Variants in IKBKB observed in about 807,000 individuals in gnomAD.
The protein encoded by IKBKB is inhibitor of nuclear factor kappa-B kinase subunit beta.
Under a neutral mutation model 113.6 loss-of-function variants are expected in IKBKB, and 42 were observed. The observed-to-expected ratio is 0.37, with a 90% confidence interval of 0.29 to 0.48. IKBKB has a LOEUF of 0.48. Among genes scored for constraint, IKBKB ranks in the 20% least tolerant of loss-of-function variants. The probability of loss-of-function intolerance (pLI) is 0.99; values close to 1 mark genes in which losing one functional copy is unlikely to be tolerated. For missense variants in IKBKB, 673 were observed against 939.7 expected (o/e 0.72, Z 3.71); for synonymous variants, 296 against 361.3 (o/e 0.82, Z 2.05).
At chr8:42,299,536 G>A (rs375433729) in intron 5 of IKBKB, among the ~76,000 whole-genome samples, 3 of 150,384 alleles carry the variant, frequency 2.0e-5, no homozygotes, top group East Asian at 1.9e-4. Flanking sequence ...GAACCCACCC[G>A]CCAATCTCTG....
At chr8:42,327,794 G>C (rs1370867904) in intron 20 of IKBKB, among the ~76,000 whole-genome samples, 1 of 89,532 alleles carries the variant, frequency 1.1e-5, no homozygotes, top group Admixed American at 1.4e-4. Flanking sequence ...CACCAGGCCT[G>C]GCTAATTTTG....
intron 1 of IKBKB, 83 bp from the exon 2 acceptor site, chr8:42,272,000 G>A (rs1807864743): frequency 7.6e-7 from 1 of 1,311,734 alleles, no homozygotes; most frequent in Admixed American, 2.2e-5. Flanking sequence ...CAAGAGCAGT[G>A]GTATCTCTTG....
At chr8:42,302,275 A>G (rs889793426) in intron 5 of IKBKB, among the ~76,000 whole-genome samples, 5 of 152,236 alleles carry the variant, frequency 3.3e-5, no homozygotes, top group Non-Finnish European at 7.3e-5. Context: ...TGGTCTTGAA[A>G]CATTAACACA....
intron 2 of IKBKB, among the ~76,000 whole-genome samples, chr8:42,284,620 C>A (rs73622138): frequency 0.027 from 4,037 of 151,410 alleles, 185 homozygotes; most frequent in African/African-American, 0.091. Flanking sequence ...ACTGCTACAA[C>A]AGGAATTGGC....
At chr8:42,286,535 G>C (rs1302415414) in intron 2 of IKBKB, among the ~76,000 whole-genome samples, 1 of 152,106 alleles carries the variant, frequency 6.6e-6, no homozygotes, top group African/African-American at 2.4e-5. Flanking sequence ...CTGTTGCCCA[G>C]ATCTCCTGCA....
At chr8:42,298,396 A>G (rs946762054) in intron 5 of IKBKB, 58 of 985,314 alleles carry the variant, frequency 5.9e-5, no homozygotes, top group Non-Finnish European at 6.7e-5. Flanking sequence ...TGCTCCTAGC[A>G]GGCATCCAGG....
intron 2 of IKBKB, among the ~76,000 whole-genome samples, chr8:42,273,852 C>A (rs1808345847): frequency 6.6e-6 from 1 of 151,946 alleles, no homozygotes; most frequent in Non-Finnish European, 1.5e-5. Flanking sequence ...TGAACCTGGC[C>A]TGTTTTTATT....
chr8:42,273,242 C>T (rs939868512), intron 2 of IKBKB, among the ~76,000 whole-genome samples: 1 of 151,920 alleles, frequency 6.6e-6, no homozygotes, highest in Non-Finnish European at 1.5e-5. Flanking sequence ...CATGGTGAAA[C>T]CTCATCTCTA....
At chr8:42,272,054 C>G in intron 1 of IKBKB, 29 bp from the exon 2 acceptor site, 1 of 1,592,052 alleles carries the variant, frequency 6.3e-7, no homozygotes, top group Non-Finnish European at 8.6e-7. Flanking sequence ...TAATCCTAAC[C>G]TTTTTTCCCC....
chr8:42,288,344 G>A (rs1215631505), intron 2 of IKBKB, among the ~76,000 whole-genome samples: 2 of 151,534 alleles, frequency 1.3e-5, no homozygotes, highest in Non-Finnish European at 2.9e-5. Context: ...CTGAGATTGT[G>A]CCAGTGCACT....
chr8:42,303,015 G>T (rs1815602148), intron 5 of IKBKB, among the ~76,000 whole-genome samples: 1 of 151,482 alleles, frequency 6.6e-6, no homozygotes. Flanking sequence ...AGATAGGATC[G>T]CTGCCTGGGC....
At chr8:42,283,968 C>T (rs530882520) in intron 2 of IKBKB, among the ~76,000 whole-genome samples, 20 of 152,276 alleles carry the variant, frequency 1.3e-4, no homozygotes, top group African/African-American at 2.6e-4. Flanking sequence ...TGGCACCTCA[C>T]GCTGCAGCGG....
intron 5 of IKBKB, among the ~76,000 whole-genome samples, chr8:42,296,380 C>G (rs1169183209): frequency 6.6e-6 from 1 of 152,156 alleles, no homozygotes; most frequent in Non-Finnish European, 1.5e-5. Context: ...GCCTATAATC[C>G]CAGCACTTTG....
intron 3 of IKBKB, 42 bp from the exon 4 acceptor site, chr8:42,290,114 G>A: frequency 1.2e-5 from 17 of 1,418,022 alleles, no homozygotes; most frequent in Non-Finnish European, 1.7e-5. Context: ...ATGGGTCTGG[G>A]CAGGAGCCTG....
At chr8:42,324,516 C>G (rs1820366086) in intron 19 of IKBKB, 2 of 152,672 alleles carry the variant, frequency 1.3e-5, no homozygotes, top group South Asian at 4.1e-4. Context: ...CCCCCCTTGG[C>G]CTCCCAAAGT....
chr8:42,322,549 C>T (rs1819966418), intron 19 of IKBKB, 55 bp downstream of exon 19: 2 of 1,575,982 alleles, frequency 1.3e-6, no homozygotes, highest in African/African-American at 2.7e-5. Flanking sequence ...TGTGCCTTTC[C>T]ACCTCTGTGC....
chr8:42,279,549 G>A (rs1809904523), intron 2 of IKBKB, among the ~76,000 whole-genome samples: 1 of 152,184 alleles, frequency 6.6e-6, no homozygotes, highest in African/African-American at 2.4e-5. Flanking sequence ...GTATTTACGT[G>A]CTTTCTCTCC....
intron 2 of IKBKB, among the ~76,000 whole-genome samples, chr8:42,286,235 A>G (rs888910423): frequency 6.7e-6 from 1 of 149,984 alleles, no homozygotes; most frequent in African/African-American, 2.5e-5. Context: ...TTCCATTTCC[A>G]CCTTTTTTTC....
intron 2 of IKBKB, among the ~76,000 whole-genome samples, chr8:42,288,332 A>G (rs1231017821): frequency 1.3e-5 from 2 of 151,578 alleles, no homozygotes; most frequent in African/African-American, 4.9e-5. Flanking sequence ...GTTTGCAGTG[A>G]GCTGAGATTG....
Sources: gnomAD v4.1 joint callset for allele counts (sites outside exome capture counted in the v4.1 genomes callset) on GRCh38, gnomAD v4.1.1 for gene constraint, MANE v1.5 for transcripts, NCBI Gene and HGNC (gene_info 2026-07-23, HGNC 2026-07-21) for gene names.